The following PCDHGB4 variants were observed in gnomAD, a reference collection of about 807,000 sequenced individuals.
PCDHGB4 encodes protocadherin gamma subfamily B, 4, also known as protocadherin gamma-B4.
Under a neutral mutation model 60.5 loss-of-function variants are expected in PCDHGB4, and 38 were observed. That is an observed-to-expected ratio of 0.63 (90% CI 0.48 to 0.82). PCDHGB4 has a LOEUF of 0.82. Among genes scored for constraint, PCDHGB4 ranks in the 40% least tolerant of loss-of-function variants. The pLI is 0.00. For synonymous variants in PCDHGB4, 456 were observed against 509.7 expected (o/e 0.89, Z 1.42); for missense variants, 1,109 against 1,209.6 (o/e 0.92, Z 1.23).
intron 1 of PCDHGB4, chr5:141,399,531 G>A (rs771221717): frequency 1.2e-6 from 2 of 1,614,052 alleles, no homozygotes; most frequent in Non-Finnish European, 1.7e-6. Flanking sequence ...CCTCCATCGC[G>A]CAAGTCTGCG....
chr5:141,511,391 C>G lies in PCDHGB4; in HGVS notation c.*218C>G. ...TGCAAAAGCAGTTCCGCTGGGAACC[C>G]CCATCCAATCAACTGCTGTACCCAT... is the stretch of plus-strand genomic sequence containing the variant. On this transcript the variant is annotated 3_prime_UTR_variant, in exon 4 of 4. Coordinates refer to ENST00000519479, the MANE Select transcript of PCDHGB4 (RefSeq NM_003736.4). 2.8e-6 allele frequency: 3 copies of G among 1,079,748 alleles called. No homozygotes were observed. The highest frequency in any genetic ancestry group is 3.3e-5 in the South Asian group (2 of 60,136). The allele number at this position is 1,079,748 out of a possible 1,614,324, so 66.9% of individuals were successfully genotyped here. A position where few individuals can be genotyped will look rare whatever the true frequency, so the allele number is the denominator to read the frequency against.
At chr5:141,484,621 T>C (rs2099598239) in intron 1 of PCDHGB4, among the ~76,000 whole-genome samples, 1 of 152,058 alleles carries the variant, frequency 6.6e-6, no homozygotes, top group Admixed American at 6.6e-5. Flanking sequence ...CAACACTGGC[T>C]TGAACAAAGT....
chr5:141,408,316 G>A (rs1407149479), intron 1 of PCDHGB4: 3 of 1,613,750 alleles, frequency 1.9e-6, no homozygotes, highest in African/African-American at 1.3e-5. Context: ...ACTCGATTCC[G>A]GAGGAGCTGG....
At chr5:141,443,312 C>T (rs1296976995) in intron 1 of PCDHGB4, among the ~76,000 whole-genome samples, 2 of 115,698 alleles carry the variant, frequency 1.7e-5, no homozygotes, top group Non-Finnish European at 3.3e-5. Flanking sequence ...AAAAACCCAT[C>T]TCTACAAAAA....
intron 1 of PCDHGB4, chr5:141,420,319 G>T (rs1393746531): frequency 7.0e-7 from 1 of 1,437,422 alleles, no homozygotes; most frequent in African/African-American, 1.4e-5. Context: ...ATTACAATAT[G>T]CCAATATATT....
chr5:141,415,651 A>C, intron 1 of PCDHGB4: 1 of 1,595,106 alleles, frequency 6.3e-7, no homozygotes. Context: ...TAAAAAAAAA[A>C]AGATTGGTTT....
At chr5:141,394,751 C>A in intron 1 of PCDHGB4, 3 of 1,613,428 alleles carry the variant, frequency 1.9e-6, no homozygotes, top group Non-Finnish European at 2.5e-6. Context: ...TGGTGGCCGT[C>A]CAGGACCATG....
At position 141,476,001 on chromosome 5, in the gene PCDHGB4, C is replaced by A. The variant is rs989369008; in HGVS notation, c.2398-18806C>A. On this transcript the variant is annotated intron_variant, in intron 1 of 3. Coordinates refer to ENST00000519479, the MANE Select transcript of PCDHGB4 (RefSeq NM_003736.4). This position sits in a 1 kb window ranked among gnomAD's most constrained non-coding sequence, Gnocchi z 7.6. ...CAGCCGGCGAGCAAATCAACGGCAT[C>A]CAGAAAGCCATGTCGGACTCGGCGC... The A allele has an allele frequency of 5.7e-5, 70 of 1,235,226 alleles. No homozygotes were observed. In the Middle Eastern group the frequency reaches 8.6e-4, roughly 15 times the overall value. The allele number at this position is 1,235,226 out of a possible 1,614,324, so 76.5% of individuals were successfully genotyped here. A position where few individuals can be genotyped will look rare whatever the true frequency, so the allele number is the denominator to read the frequency against.
intron 1 of PCDHGB4, chr5:141,422,759 A>G (rs2096670710): frequency 6.2e-7 from 1 of 1,613,252 alleles, no homozygotes; most frequent in Non-Finnish European, 8.5e-7. Flanking sequence ...ATTAACTCCA[A>G]CACTGGTGTT....
intron 1 of PCDHGB4, among the ~76,000 whole-genome samples, chr5:141,470,385 T>C (rs1278833959): frequency 1.3e-5 from 2 of 152,206 alleles, no homozygotes; most frequent in Non-Finnish European, 2.9e-5. Flanking sequence ...GACTACTCGA[T>C]GATATTTAGG....
intron 1 of PCDHGB4, among the ~76,000 whole-genome samples, chr5:141,462,678 T>G (rs923728894): frequency 1.3e-5 from 2 of 152,210 alleles, no homozygotes; most frequent in South Asian, 4.1e-4. Flanking sequence ...TTCTTTAAAT[T>G]TTTGAGCACA....
Position 141,389,522 on chromosome 5 carries a change from G to A in PCDHGB4, c.1638G>A (p.Leu546=). ...CAGCGCTCAGCGCGAACGTGAGCCT[G>A]CGCGTGTTAGTGGACGACCGCAACG... The part of the protein sequence containing the change: ...GSPALSANVS[L]RVLVDDRNDN... Residue 546 remains leucine, a synonymous_variant, in exon 1 of 4, where the codon CTG becomes CTA. Transcript: ENST00000519479. The A allele has an allele frequency of 6.2e-7, 1 of 1,613,178 alleles. No individual in the cohort carries two copies. The highest frequency in any genetic ancestry group is 8.5e-7 in the Non-Finnish European group (1 of 1,179,758).
At position 141,388,961 on chromosome 5, in the gene PCDHGB4, G is replaced by C; in HGVS notation, c.1077G>C (p.Glu359Asp). 1 of 1,614,042 alleles carries C rather than the reference G, an allele frequency of 6.2e-7. No homozygotes were observed. The highest frequency in any genetic ancestry group is 8.5e-7 in the Non-Finnish European group (1 of 1,179,894). The change falls in exon 1 of 4, where the codon GAG becomes GAC. Residue 359 changes from glutamate to aspartate, a missense_variant. Glu to Asp is a conservative substitution (Grantham distance 45). Transcript: ENST00000519479. ...CCAACCTAATTATGGAGGACGCCGAGCTGGGAACACATATTGCTTTGCTCA... is the reference window on the plus strand; with the variant it reads ...CCAACCTAATTATGGAGGACGCCGACCTGGGAACACATATTGCTTTGCTCA... ...SLPNLIMEDA[E>D]LGTHIALLKV...
chr5:141,475,105 G>C (rs1215386045), intron 1 of PCDHGB4, among the ~76,000 whole-genome samples: 1 of 152,156 alleles, frequency 6.6e-6, no homozygotes, highest in Non-Finnish European at 1.5e-5. Context: ...GATCCTAGGT[G>C]GTAAATAGGC....
intron 1 of PCDHGB4, among the ~76,000 whole-genome samples, chr5:141,457,254 A>G (rs2098914828): frequency 6.6e-6 from 1 of 152,222 alleles, no homozygotes; most frequent in Admixed American, 6.5e-5. Flanking sequence ...TTGCCAACAT[A>G]TAGAATTCCC....
rs1289890545 is a variant in PCDHGB4, at chr5:141,414,874, C to T, written c.2397+24593C>T. ...CCAGAACGACAATGCGCCCGAGATC[C>T]TGTACCCCGCCCTCCCCACAGACGG... is the stretch of plus-strand genomic sequence containing the variant. On this transcript the variant is annotated intron_variant, in intron 1 of 3. Transcript: ENST00000519479. 3.7e-6 allele frequency: 6 copies of T among 1,614,136 alleles called. No individual in the cohort carries two copies. The African/African-American group carries it at 8.0e-5, about 22-fold the overall frequency.
At position 141,477,754 on chromosome 5, in the gene PCDHGB4, C is replaced by T. The variant is rs1325020341; in HGVS notation, c.2398-17053C>T. The T allele has an allele frequency of 3.7e-6, 6 of 1,613,928 alleles. No homozygotes were observed. Among genetic ancestry groups the T allele is most frequent in the Non-Finnish European group, 5.1e-6 (6 of 1,180,046 alleles). On this transcript the variant is annotated intron_variant, in intron 1 of 3. Coordinates refer to ENST00000519479, the MANE Select transcript of PCDHGB4 (RefSeq NM_003736.4). The surrounding 1 kb of genome is among the most constrained non-coding windows in gnomAD (Gnocchi z 4.9). Reference sequence around the variant, plus strand: ...ATATCAGCGATGGGGGCACCCCGGTCCTAGCCACCAACATCAGCGTGAACA... The same window carrying T: ...ATATCAGCGATGGGGGCACCCCGGTTCTAGCCACCAACATCAGCGTGAACA...
In PCDHGB4 at chr5:141,489,948, T is replaced by C; in HGVS notation, c.2398-4859T>C. 2 of 1,614,210 alleles carry C rather than the reference T, an allele frequency of 1.2e-6. No individual in the cohort carries two copies. Among genetic ancestry groups the C allele is most frequent in the Non-Finnish European group, 1.7e-6 (2 of 1,180,030 alleles). On this transcript the variant is annotated intron_variant, in intron 1 of 3. Coordinates refer to ENST00000519479, the MANE Select transcript of PCDHGB4 (RefSeq NM_003736.4). The surrounding 1 kb of genome is among the most constrained non-coding windows in gnomAD (Gnocchi z 4.5). ...TCTCTGTCATCGTGCTGGACATCAA[T>C]GATAATGCTCCAACCTTCCAATCCT...
At chr5:141,397,912 A>G in intron 1 of PCDHGB4, 2 of 686,532 alleles carry the variant, frequency 2.9e-6, no homozygotes, top group Non-Finnish European at 4.8e-6. Flanking sequence ...TTGGCGCTCC[A>G]GATCTCCTCG....
Sources: allele counts gnomAD v4.1 joint callset (sites outside exome capture counted in the v4.1 genomes callset), GRCh38; gene constraint gnomAD v4.1.1; non-coding constraint Gnocchi (gnomAD v3.1); transcripts MANE v1.5; gene names NCBI Gene and HGNC (gene_info 2026-07-23, HGNC 2026-07-21).